WDFY3: variants seen among roughly 807,000 people sequenced by gnomAD.
The protein encoded by WDFY3 is WD repeat and FYVE domain containing 3.
WDFY3 carries 66 observed loss-of-function variants against 409.6 expected under a neutral mutation model. That is an observed-to-expected ratio of 0.16 (90% CI 0.13 to 0.20). The LOEUF (loss-of-function observed/expected upper bound fraction) is 0.20, where lower values mean the gene tolerates loss of function less well. Among genes scored for constraint, WDFY3 ranks in the 10% least tolerant of loss-of-function variants. The probability of loss-of-function intolerance (pLI) is 1.00; values close to 1 mark genes in which losing one functional copy is unlikely to be tolerated. For missense variants in WDFY3, 3,031 were observed against 4,298.1 expected, an observed-to-expected ratio of 0.71 and a Z score of 8.24; for synonymous variants, 1,521 against 1,537.1, an observed-to-expected ratio of 0.99 and a Z score of 0.25.
At chr4:84,823,352 CAGA>C (rs1336376454) in intron 10 of WDFY3, among the ~76,000 whole-genome samples, 1 of 151,766 alleles carries the variant, frequency 6.6e-6, no homozygotes, top group Non-Finnish European at 1.5e-5. Flanking sequence ...AAGAAAAAAT[CAGA>C]AGAAAACATT....
In WDFY3 at chr4:84,780,250, A is replaced by G. The variant is rs140676611; in HGVS notation, c.4223T>C (p.Val1408Ala). ...PKPVATTLQY[V>A]GGAAAILGLV... ...GCCCAGGATGGCTGCAGCTCCACCAACGTACTGCAAAGTAGTGGCAACAGG... is the reference window on the plus strand; with the variant it reads ...GCCCAGGATGGCTGCAGCTCCACCAGCGTACTGCAAAGTAGTGGCAACAGG... Residue 1408 changes from valine (V) to alanine (A), a missense_variant, in exon 26 of 68, where the codon GTT becomes GCT. By Grantham distance (64) the Val-to-Ala change is moderately conservative. Coordinates refer to ENST00000295888, the MANE Select transcript of WDFY3 (RefSeq NM_014991.6). 121 of 1,613,862 alleles carry G rather than the reference A, an allele frequency of 7.5e-5. No individual in the cohort carries two copies. The highest frequency in any genetic ancestry group is 1.6e-4 in the Middle Eastern group (1 of 6,084).
At chr4:84,690,782 G>A in intron 60 of WDFY3, 118 bp from the exon 61 acceptor site, 1 of 1,249,324 alleles carries the variant, frequency 8.0e-7, no homozygotes, top group Non-Finnish European at 1.1e-6. Context: ...AGCGGCTCAT[G>A]TTCTGAGCTA....
intron 3 of WDFY3, among the ~76,000 whole-genome samples, chr4:84,874,167 A>G (rs562976654): frequency 1.3e-5 from 2 of 151,754 alleles, no homozygotes; most frequent in African/African-American, 4.8e-5. Flanking sequence ...TAATCCCAGC[A>G]CTTTGTGAGG....
chr4:84,955,622 G>C (rs1205123838), intron 1 of WDFY3, among the ~76,000 whole-genome samples: 1 of 151,924 alleles, frequency 6.6e-6, no homozygotes, highest in Non-Finnish European at 1.5e-5. Context: ...GGGAAAGAAA[G>C]ATAGGTGAAG....
rs115716350 is a variant in WDFY3, at chr4:84,886,249, C to T, written c.-32+10662G>A. ...TGCAATACTTCTGAATTTAGTTCAA[C>T]CCTAAAAATCACTGTTTTATATAAA... On this transcript the variant is annotated intron_variant, in intron 3 of 67. Coordinates refer to ENST00000295888, the MANE Select transcript of WDFY3 (RefSeq NM_014991.6). The T allele has an allele frequency of 8.3e-3, 1,256 of 152,084 alleles. 20 individuals are homozygous for T. Among genetic ancestry groups the T allele is most frequent in the African/African-American group, 0.029 (1,201 of 41,522 alleles). 9.4% of individuals were successfully genotyped at this position (152,084 alleles called of 1,614,324 possible).
chr4:84,774,013 C>T (rs188071902), intron 29 of WDFY3, among the ~76,000 whole-genome samples: 7 of 152,332 alleles, frequency 4.6e-5, no homozygotes, highest in Admixed American at 3.3e-4. Flanking sequence ...AGCCACTGCA[C>T]CCGGCCCCCC....
chr4:84,893,393 TCTGAGGTTTGGGATTA>T (rs560633665), intron 3 of WDFY3, among the ~76,000 whole-genome samples: 429 of 152,316 alleles, frequency 2.8e-3, no homozygotes, highest in African/African-American at 9.8e-3. Flanking sequence ...CTTCTCATAA[TCTGAGGTTTGGGATTA>T]CTGTTTTCTC....
intron 62 of WDFY3, among the ~76,000 whole-genome samples, chr4:84,684,857 A>T (rs185065010): frequency 1.3e-5 from 2 of 152,286 alleles, no homozygotes; most frequent in Admixed American, 1.3e-4. Context: ...AACACAACCC[A>T]CTATAGTTAA....
At chr4:84,868,656 C>T (rs562676947) in intron 3 of WDFY3, among the ~76,000 whole-genome samples, 14 of 152,250 alleles carry the variant, frequency 9.2e-5, no homozygotes, top group African/African-American at 3.4e-4. Context: ...AAGCAACTCA[C>T]CTCCATTTAA....
chr4:84,695,192 G>A (rs1729883656), intron 58 of WDFY3, among the ~76,000 whole-genome samples: 1 of 152,100 alleles, frequency 6.6e-6, no homozygotes, highest in Non-Finnish European at 1.5e-5. Flanking sequence ...TCTCTTCATG[G>A]AGGTTTGCTC....
At chr4:84,791,014 T>C (rs948645584) in intron 21 of WDFY3, among the ~76,000 whole-genome samples, 4 of 151,730 alleles carry the variant, frequency 2.6e-5, no homozygotes, top group Admixed American at 2.0e-4. Context: ...TTGGTGGGAA[T>C]GTAAAATGCT....
intron 14 of WDFY3, chr4:84,809,315 T>TCGGTGGTC: frequency 6.5e-6 from 1 of 152,710 alleles, no homozygotes; most frequent in Non-Finnish European, 1.5e-5. Context: ...TGTGTAGAGC[T>TCGGTGGTC]GAATCCTCAA....
intron 67 of WDFY3, among the ~76,000 whole-genome samples, chr4:84,676,764 T>C (rs1167729820): frequency 2.0e-5 from 3 of 152,112 alleles, no homozygotes; most frequent in African/African-American, 4.8e-5. Flanking sequence ...AAAAACAGTA[T>C]AGTACGTAAA....
rs1177727082 is a variant in WDFY3, at chr4:84,786,003, C to T, written c.4038G>A (p.Leu1346=). The T allele has an allele frequency of 6.2e-7, 1 of 1,613,574 alleles. No homozygotes were observed. Among genetic ancestry groups the T allele is most frequent in the Admixed American group, 1.7e-5 (1 of 59,910 alleles). The part of the protein sequence containing the change: ...VARIRKVYNK[L]DSKAIAKQLG... ...CCTGCTTAGCAATGGCTTTGCTATCCAATTTGTTATACACTTTCCGGATTC... is the reference window on the plus strand; with the variant it reads ...CCTGCTTAGCAATGGCTTTGCTATCTAATTTGTTATACACTTTCCGGATTC... Residue 1346 remains leucine, a synonymous_variant, in exon 24 of 68, where the codon TTG becomes TTA. Transcript: ENST00000295888.
chr4:84,850,386 T>C (rs978826367), intron 4 of WDFY3, among the ~76,000 whole-genome samples: 1 of 152,148 alleles, frequency 6.6e-6, no homozygotes, highest in African/African-American at 2.4e-5. Flanking sequence ...TGGCACGATT[T>C]TGGCTCACTG....
chr4:84,803,168 C>T, intron 16 of WDFY3, 122 bp downstream of exon 16: 2 of 1,102,192 alleles, frequency 1.8e-6, no homozygotes, highest in Non-Finnish European at 2.4e-6. Flanking sequence ...TTTTTTTCCC[C>T]TTCAGCTACT....
intron 4 of WDFY3, among the ~76,000 whole-genome samples, chr4:84,850,324 T>TC (rs1758716222): frequency 6.8e-6 from 1 of 147,114 alleles, no homozygotes; most frequent in East Asian, 2.0e-4. Flanking sequence ...ATAACGTTTC[T>TC]TTTTTTTTGG....
intron 47 of WDFY3, among the ~76,000 whole-genome samples, chr4:84,719,634 T>C (rs912614371): frequency 6.6e-6 from 1 of 152,230 alleles, no homozygotes; most frequent in Non-Finnish European, 1.5e-5. Flanking sequence ...AGTTTCTCTA[T>C]TGCAGTATAT....
At position 84,672,847 on chromosome 4, in the gene WDFY3, T is replaced by TCAA; in HGVS notation, c.*20_*21insTTG. 6.2e-7 allele frequency: 1 copy of TCAA among 1,613,760 alleles called. No homozygotes were observed. Among genetic ancestry groups the TCAA allele is most frequent in the Non-Finnish European group, 8.5e-7 (1 of 1,179,812 alleles). ...GGGAAGGGGTCTACAGACCATGGTC[T>TCAA]CCACTCAGCTTGTTGAATCTTCAAC... On this transcript the variant is annotated 3_prime_UTR_variant, in exon 68 of 68. Coordinates refer to ENST00000295888, the MANE Select transcript of WDFY3 (RefSeq NM_014991.6).
Sources: allele counts gnomAD v4.1 joint callset (sites outside exome capture counted in the v4.1 genomes callset), GRCh38; gene constraint gnomAD v4.1.1; transcripts MANE v1.5; gene names NCBI Gene and HGNC (gene_info 2026-07-23, HGNC 2026-07-21).